The following OSBPL9 variants were observed in gnomAD, a reference collection of about 807,000 sequenced individuals.
The protein encoded by OSBPL9 is oxysterol binding protein like 9.
In OSBPL9, 40 loss-of-function variants were observed where a neutral mutation model predicts 106.6. The observed-to-expected ratio is 0.38, with a 90% confidence interval of 0.29 to 0.49. OSBPL9 has a LOEUF of 0.49. OSBPL9 is among the 20% of genes least tolerant of loss of function. The pLI is 0.97. For missense variants in OSBPL9, 609 were observed against 887.2 expected (o/e 0.69, Z 3.98); for synonymous variants, 269 against 295.4 (o/e 0.91, Z 0.92).
At chr1:51,711,368 G>A (rs1347913070) in intron 3 of OSBPL9, among the ~76,000 whole-genome samples, 5 of 149,428 alleles carry the variant, frequency 3.3e-5, no homozygotes, top group African/African-American at 9.9e-5. Context: ...GGACTAGGCG[G>A]CTGGCCGGGC....
intron 3 of OSBPL9, among the ~76,000 whole-genome samples, chr1:51,688,815 G>A (rs1654368759): frequency 1.3e-5 from 2 of 152,252 alleles, no homozygotes; most frequent in South Asian, 4.1e-4. Flanking sequence ...CTTGTGGAGT[G>A]TACTTGGATT....
intron 11 of OSBPL9, among the ~76,000 whole-genome samples, chr1:51,762,986 T>G (rs1428208462): frequency 6.6e-6 from 1 of 152,184 alleles, no homozygotes; most frequent in Non-Finnish European, 1.5e-5. Flanking sequence ...AATTTGCATT[T>G]TCTTTTTGTT....
rs1448436562 is a variant in OSBPL9 at position 51,785,668 on chromosome 1, T to C, written c.1830-140T>C. ...CATTCTTATAGTTAGCCCTGGGGAG[T>C]CCAGTTCTGTTAAGATGCTTTCATC... On this transcript the variant is annotated intron_variant, in intron 20 of 23. Coordinates refer to ENST00000428468, the MANE Select transcript of OSBPL9 (RefSeq NM_024586.6). 3 of 653,812 alleles carry C rather than the reference T, an allele frequency of 4.6e-6. No homozygotes were observed. The East Asian group carries it at 8.6e-5, about 19-fold the overall frequency. The allele number at this position is 653,812 out of a possible 1,614,324, so 40.5% of individuals were successfully genotyped here.
At chr1:51,693,403 G>T (rs755126870) in intron 3 of OSBPL9, among the ~76,000 whole-genome samples, 6 of 150,768 alleles carry the variant, frequency 4.0e-5, no homozygotes, top group Admixed American at 1.3e-4. Context: ...GAGAGAGAGA[G>T]AAAAGAAAAG....
chr1:51,622,181 G>A (rs1345029843), intron 1 of OSBPL9, among the ~76,000 whole-genome samples: 14 of 152,174 alleles, frequency 9.2e-5, no homozygotes, highest in Admixed American at 9.2e-4. Context: ...GGAAGAACAG[G>A]TTGGGGGAGA....
chr1:51,738,456 T>A (rs1371279766), intron 4 of OSBPL9, among the ~76,000 whole-genome samples: 2 of 152,016 alleles, frequency 1.3e-5, no homozygotes, highest in African/African-American at 4.8e-5. Context: ...AAAATTAGAT[T>A]CTTTTATGAA....
At chr1:51,701,359 T>G (rs1260659702) in intron 3 of OSBPL9, among the ~76,000 whole-genome samples, 1 of 152,266 alleles carries the variant, frequency 6.6e-6, no homozygotes, top group African/African-American at 2.4e-5. Context: ...TATAGTCCAG[T>G]ACTCTGTGAA....
chr1:51,706,652 G>A (rs1410199301), intron 3 of OSBPL9, among the ~76,000 whole-genome samples: 1 of 149,030 alleles, frequency 6.7e-6, no homozygotes, highest in African/African-American at 2.5e-5. Context: ...CAGCCTTTTT[G>A]CTTTTATATA....
chr1:51,684,389 C>T (rs755346565), intron 3 of OSBPL9, among the ~76,000 whole-genome samples: 37 of 152,044 alleles, frequency 2.4e-4, no homozygotes, highest in Admixed American at 2.0e-4. Context: ...TAAGTGTTCT[C>T]ATCATGAAAA....
intron 3 of OSBPL9, among the ~76,000 whole-genome samples, chr1:51,713,315 A>G (rs1660455813): frequency 1.3e-5 from 2 of 151,734 alleles, no homozygotes; most frequent in South Asian, 2.1e-4. Context: ...ATGCCTGGCT[A>G]ATTTTTGTAT....
At chr1:51,565,350 T>C in the OSBPL9 span, among the ~76,000 whole-genome samples, 20 of 152,328 alleles carry the variant, frequency 1.3e-4, no homozygotes, top group African/African-American at 4.6e-4. Context: ...TTACACACCA[T>C]GTTATTTCCT....
the OSBPL9 span, among the ~76,000 whole-genome samples, chr1:51,564,052 C>CAAAACAAAAAAAAAAAA: frequency 3.7e-5 from 1 of 27,386 alleles, no homozygotes; most frequent in Non-Finnish European, 6.5e-5. Flanking sequence ...GAGATCATCT[C>CAAAACAAAAAAAAAAAA]AAAAAAAAAA....
the OSBPL9 span, among the ~76,000 whole-genome samples, chr1:51,557,435 A>G: frequency 7.1e-4 from 108 of 152,040 alleles, no homozygotes; most frequent in East Asian, 0.017. Flanking sequence ...CATGAGAACT[A>G]CTCCTAATCT....
chr1:51,582,651 C>T (rs975109577), intron 1 of OSBPL9, among the ~76,000 whole-genome samples: 3 of 151,468 alleles, frequency 2.0e-5, no homozygotes, highest in African/African-American at 7.3e-5. Flanking sequence ...CAATAGATTT[C>T]CTTCCTGCCT....
chr1:51,587,021 T>G (rs562654588), intron 1 of OSBPL9, among the ~76,000 whole-genome samples: 16 of 152,190 alleles, frequency 1.1e-4, no homozygotes, highest in Non-Finnish European at 2.1e-4. Context: ...TACTCCAGGT[T>G]AGCCATTTGT....
At chr1:51,678,204 A>C (rs1651741228) in intron 3 of OSBPL9, among the ~76,000 whole-genome samples, 1 of 152,130 alleles carries the variant, frequency 6.6e-6, no homozygotes, top group Admixed American at 6.5e-5. Context: ...AATACGTTTT[A>C]GTATGAAATT....
At chr1:51,688,275 A>G (rs940546755) in intron 3 of OSBPL9, among the ~76,000 whole-genome samples, 1 of 152,202 alleles carries the variant, frequency 6.6e-6, no homozygotes, top group Admixed American at 6.5e-5. Flanking sequence ...TTCTAGCTTT[A>G]TATATAGAAA....
intron 9 of OSBPL9, chr1:51,760,290 T>A: frequency 4.9e-6 from 1 of 204,250 alleles, no homozygotes. Flanking sequence ...ATCCTAGTGG[T>A]GCAGGTACAT....
chr1:51,767,653 G>C (rs973980443), intron 12 of OSBPL9, among the ~76,000 whole-genome samples: 1 of 152,130 alleles, frequency 6.6e-6, no homozygotes, highest in Admixed American at 6.5e-5. Context: ...TAGTTAAGAC[G>C]TGGAAGGGAG....
Sources: allele counts gnomAD v4.1 joint callset (sites outside exome capture counted in the v4.1 genomes callset), GRCh38; gene constraint gnomAD v4.1.1; transcripts MANE v1.5; gene names NCBI Gene and HGNC (gene_info 2026-07-23, HGNC 2026-07-21).